Variants in ADAM32 observed in about 807,000 individuals in gnomAD.
ADAM32 encodes ADAM metallopeptidase domain 32.
A neutral mutation model predicts 114.9 loss-of-function variants in ADAM32; 89 were observed. The observed-to-expected ratio is 0.77, with a 90% CI of 0.65 to 0.92. ADAM32 has a LOEUF of 0.92. Ranked by LOEUF, ADAM32 falls within the 40% of genes least tolerant of loss-of-function variation. The pLI is 0.00. For synonymous variants in ADAM32, 285 were observed against 307.5 expected (o/e 0.93, Z 0.77); for missense variants, 870 against 932.8 (o/e 0.93, Z 0.88).
At chr8:39,144,100 T>C (rs1477697950) in intron 3 of ADAM32, among the ~76,000 whole-genome samples, 1 of 152,022 alleles carries the variant, frequency 6.6e-6, no homozygotes, top group East Asian at 1.9e-4. Flanking sequence ...TGGTCAGGAG[T>C]GTACTGTTTC....
intron 20 of ADAM32, among the ~76,000 whole-genome samples, chr8:39,271,680 A>G (rs1812741759): frequency 6.6e-6 from 1 of 152,210 alleles, no homozygotes; most frequent in East Asian, 1.9e-4. Flanking sequence ...AAACAGAATA[A>G]TAACATATAA....
intron 1 of ADAM32, among the ~76,000 whole-genome samples, chr8:39,108,843 T>C (rs1440384358): frequency 6.6e-6 from 1 of 152,170 alleles, no homozygotes; most frequent in African/African-American, 2.4e-5. Context: ...TCTTCCTGGC[T>C]TGTAAACAGC....
chr8:39,213,631 T>C (rs2129448453), intron 12 of ADAM32, among the ~76,000 whole-genome samples: 1 of 152,310 alleles, frequency 6.6e-6, no homozygotes, highest in African/African-American at 2.4e-5. Flanking sequence ...TGAAGGTAAA[T>C]GAGGTATTCA....
chr8:39,151,602 A>G (rs1803832774), intron 6 of ADAM32, 54 bp downstream of exon 6: 1 of 1,237,798 alleles, frequency 8.1e-7, no homozygotes, highest in Non-Finnish European at 1.1e-6. Context: ...CTTCCATTTA[A>G]TTTATTTAAA....
In ADAM32 at chr8:39,118,133, A is replaced by G; in HGVS notation, c.106A>G (p.Thr36Ala). The G allele has an allele frequency of 6.7e-7, 1 of 1,493,176 alleles. No homozygotes were observed. The highest frequency in any genetic ancestry group is 1.7e-4 in the Middle Eastern group (1 of 5,826). The allele number at this position is 1,493,176 out of a possible 1,614,324, so 92.5% of individuals were successfully genotyped here. A position where few individuals can be genotyped will look rare whatever the true frequency, so the allele number is the denominator to read the frequency against. ...LQIVIPEKIQ[T>A]NTNDSSEIEY... Reference sequence around the variant, plus strand: ...GATCGTAATTCCAGAGAAAATCCAAACAAATACAAATGACAGTTCAGAAAT... The same window carrying G: ...GATCGTAATTCCAGAGAAAATCCAAGCAAATACAAATGACAGTTCAGAAAT... Residue 36 changes from threonine (T) to alanine (A), a missense_variant, in exon 2 of 25, where the codon ACA becomes GCA. Physicochemically the swap from Thr to Ala is moderately conservative, Grantham distance 58. Coordinates refer to ENST00000379907, the MANE Select transcript of ADAM32 (RefSeq NM_145004.7).
chr8:39,249,865 G>A (rs1349178465), intron 17 of ADAM32, among the ~76,000 whole-genome samples: 1 of 151,768 alleles, frequency 6.6e-6, no homozygotes, highest in Non-Finnish European at 1.5e-5. Flanking sequence ...TTCCATTTTT[G>A]CAAGATAATT....
chr8:39,126,826 A>G (rs1802146420), intron 2 of ADAM32, among the ~76,000 whole-genome samples: 1 of 152,096 alleles, frequency 6.6e-6, no homozygotes, highest in African/African-American at 2.4e-5. Flanking sequence ...GGCTCTTATT[A>G]TTTTGAGGTA....
intron 1 of ADAM32, among the ~76,000 whole-genome samples, chr8:39,113,901 T>C (rs1003951104): frequency 3.9e-5 from 6 of 152,190 alleles, no homozygotes; most frequent in Non-Finnish European, 8.8e-5. Flanking sequence ...CCATTGCTGA[T>C]TGGAATTGAA....
In ADAM32 at chr8:39,214,502, A is replaced by G. The variant is rs1808433833; in HGVS notation, c.1233+3178A>G. On this transcript the variant is annotated intron_variant, in intron 12 of 24. Coordinates refer to ENST00000379907, the MANE Select transcript of ADAM32 (RefSeq NM_145004.7). Reference sequence around the variant, plus strand: ...GTATGTCTTCTTTTGAGAAATGTCTATTCAGACATTTTGCCCACCTTTAAA... The same window carrying G: ...GTATGTCTTCTTTTGAGAAATGTCTGTTCAGACATTTTGCCCACCTTTAAA... 2.0e-5 allele frequency among the ~76,000 whole-genome samples: 3 copies of G among 152,170 alleles called. No homozygotes were observed. The South Asian group carries it at 6.2e-4, about 32-fold the overall frequency.
chr8:39,157,355 C>T (rs1032717402), intron 6 of ADAM32, among the ~76,000 whole-genome samples: 2 of 152,126 alleles, frequency 1.3e-5, no homozygotes, highest in South Asian at 2.1e-4. Flanking sequence ...GAGGTTTTCA[C>T]CCATTATTTT....
At chr8:39,242,253 C>G (rs902346713) in intron 16 of ADAM32, among the ~76,000 whole-genome samples, 9 of 152,216 alleles carry the variant, frequency 5.9e-5, no homozygotes, top group African/African-American at 2.2e-4. Context: ...AACTTTCCCA[C>G]ATGTTTCTAT....
intron 2 of ADAM32, among the ~76,000 whole-genome samples, chr8:39,135,651 A>C (rs1243518267): frequency 2.6e-5 from 4 of 152,182 alleles, no homozygotes; most frequent in Admixed American, 2.6e-4. Flanking sequence ...AATACTACCC[A>C]GCATGCCCCC....
intron 3 of ADAM32, among the ~76,000 whole-genome samples, 172 bp from the exon 4 acceptor site, chr8:39,146,958 C>A (rs1313596098): frequency 6.6e-6 from 1 of 152,146 alleles, no homozygotes; most frequent in Non-Finnish European, 1.5e-5. Context: ...CATCTTACAG[C>A]ATGAAAAGAG....
At chr8:39,252,971 T>C (rs1350172155) in intron 17 of ADAM32, among the ~76,000 whole-genome samples, 3 of 151,612 alleles carry the variant, frequency 2.0e-5, no homozygotes. Context: ...ATGAATTCTG[T>C]TAAACATTTA....
intron 11 of ADAM32, among the ~76,000 whole-genome samples, chr8:39,203,958 C>T (rs868057888): frequency 4.6e-5 from 7 of 152,268 alleles, no homozygotes; most frequent in African/African-American, 1.2e-4. Flanking sequence ...TGAATATTGG[C>T]CCCCACTCTC....
intron 2 of ADAM32, among the ~76,000 whole-genome samples, chr8:39,131,534 G>C (rs1224056608): frequency 6.6e-6 from 1 of 152,104 alleles, no homozygotes; most frequent in Non-Finnish European, 1.5e-5. Context: ...TTTTTGTCTA[G>C]TTGTTCTCTC....
At chr8:39,284,360 T>C (rs1030278604) in intron 24 of ADAM32, among the ~76,000 whole-genome samples, 1 of 149,332 alleles carries the variant, frequency 6.7e-6, no homozygotes, top group African/African-American at 2.5e-5. Flanking sequence ...AATACTGTTA[T>C]ACACACACAC....
At chr8:39,189,205 A>T (rs527238155) in intron 11 of ADAM32, among the ~76,000 whole-genome samples, 1 of 152,220 alleles carries the variant, frequency 6.6e-6, no homozygotes, top group South Asian at 2.1e-4. Flanking sequence ...AAATACTAAG[A>T]CTTAGATAAT....
intron 1 of ADAM32, among the ~76,000 whole-genome samples, chr8:39,108,699 C>A (rs565667197): frequency 7.8e-4 from 118 of 152,212 alleles, no homozygotes; most frequent in African/African-American, 2.8e-3. Flanking sequence ...TGCATGTAAG[C>A]CTCCCTGGTG....
Sources: allele counts gnomAD v4.1 joint callset (sites outside exome capture counted in the v4.1 genomes callset), GRCh38; gene constraint gnomAD v4.1.1; transcripts MANE v1.5; gene names NCBI Gene and HGNC (gene_info 2026-07-23, HGNC 2026-07-21).